The following PCDHA8 variants were observed in gnomAD, a reference collection of about 807,000 sequenced individuals.
PCDHA8 encodes protocadherin alpha-8.
Under a neutral mutation model 61.8 loss-of-function variants are expected in PCDHA8, and 53 were observed. That is an observed-to-expected ratio of 0.86 (90% CI 0.69 to 1.08). PCDHA8 has a LOEUF of 1.08. PCDHA8 is among the 50% of genes least tolerant of loss of function. PCDHA8 has a pLI of 0.00. For missense variants in PCDHA8, 1,293 were observed against 1,245.0 expected, an observed-to-expected ratio of 1.04 and a Z score of -0.58; for synonymous variants, 618 against 556.6, an observed-to-expected ratio of 1.11 and a Z score of -1.55.
At chr5:140,979,215 G>A (rs1463069868) in intron 2 of PCDHA8, among the ~76,000 whole-genome samples, 5 of 152,178 alleles carry the variant, frequency 3.3e-5, no homozygotes, top group African/African-American at 4.8e-5. Context: ...TGGCATATAA[G>A]AGTCCTCTGT....
chr5:140,907,932 A>T (rs1291390398), intron 1 of PCDHA8, among the ~76,000 whole-genome samples: 1 of 152,202 alleles, frequency 6.6e-6, no homozygotes, highest in Non-Finnish European at 1.5e-5. Context: ...GTCCATTCAC[A>T]TACCTTTTCC....
intron 1 of PCDHA8, chr5:140,875,983 G>A: frequency 6.2e-7 from 1 of 1,613,992 alleles, no homozygotes; most frequent in Non-Finnish European, 8.5e-7. Context: ...TTTGACCTAT[G>A]CGTTAAGTCT....
chr5:141,003,648 G>A lies in PCDHA8; in HGVS notation c.2543-5979G>A, dbSNP rs1314983871. On this transcript the variant is annotated intron_variant, in intron 3 of 3. Transcript: ENST00000531613. ...GTTTTTAAAGTAGAAGTGAAGATCTGTATGCATTTATTAAAATATATGTTG... is the reference window on the plus strand; with the variant it reads ...GTTTTTAAAGTAGAAGTGAAGATCTATATGCATTTATTAAAATATATGTTG... Among the ~76,000 whole-genome samples the A allele has an allele frequency of 3.3e-5, 5 of 152,226 alleles. No individual in the cohort carries two copies. In the South Asian group the frequency reaches 6.2e-4, roughly 19 times the overall value.
chr5:140,969,307 A>C (rs2096316993), intron 1 of PCDHA8: 1 of 1,614,192 alleles, frequency 6.2e-7, no homozygotes, highest in Non-Finnish European at 8.5e-7. Flanking sequence ...TTATTCTCAA[A>C]AATGAGGCTG....
rs1554263792 is a variant in PCDHA8 at position 141,012,059 on chromosome 5, C to T, written c.*2122C>T. 1 of 153,718 alleles carries T rather than the reference C, an allele frequency of 6.5e-6. No individual in the cohort carries two copies. The highest frequency in any genetic ancestry group is 1.5e-5 in the Non-Finnish European group (1 of 68,036). The allele number at this position is 153,718 out of a possible 1,614,324, so 9.5% of individuals were successfully genotyped here. A position where few individuals can be genotyped will look rare whatever the true frequency, so the allele number is the denominator to read the frequency against. ...TGCATGGGGTAAAACTTGTTACCAA[C>T]ACATGTGAACCATTGCTACATTGTA... On this transcript the variant is annotated 3_prime_UTR_variant, in exon 4 of 4. Transcript: ENST00000531613.
In PCDHA8 at chr5:140,863,490, A is replaced by C. The variant is rs149382847; in HGVS notation, c.2394+19775A>C. ...TGGAGAGTCGCCTCCCAAGGTCAAC[A>C]TTACGGCTTTTAGTCCTAGTGTTCT... is the stretch of plus-strand genomic sequence containing the variant. On this transcript the variant is annotated intron_variant, in intron 1 of 3. Coordinates refer to ENST00000531613, the MANE Select transcript of PCDHA8 (RefSeq NM_018911.3). 1.5e-4 allele frequency: 69 copies of C among 449,374 alleles called. No homozygotes were observed. In the East Asian group the frequency reaches 3.4e-3, roughly 22 times the overall value. 27.8% of individuals were successfully genotyped at this position (449,374 alleles called of 1,614,324 possible). A position where few individuals can be genotyped will look rare whatever the true frequency, so the allele number is the denominator to read the frequency against.
rs1358633051 is a variant in PCDHA8, at chr5:140,859,520, T to TA, written c.2394+15813dup. On this transcript the variant is annotated intron_variant, in intron 1 of 3. Coordinates refer to ENST00000531613, the MANE Select transcript of PCDHA8 (RefSeq NM_018911.3). ...TACCTGATACCCATGATTTCATTTT[T>TA]AAAAAAAATTTATTAATTCTAGTGT... 5.7e-5 allele frequency: 11 copies of TA among 194,288 alleles called. 2 individuals are homozygous for TA. The highest frequency in any genetic ancestry group is 1.0e-4 in the Non-Finnish European group (10 of 97,338). The allele number at this position is 194,288 out of a possible 1,614,324, so 12.0% of individuals were successfully genotyped here. A position where few individuals can be genotyped will look rare whatever the true frequency, so the allele number is the denominator to read the frequency against.
intron 1 of PCDHA8, among the ~76,000 whole-genome samples, chr5:140,939,732 G>C (rs2092446551): frequency 6.6e-6 from 1 of 152,168 alleles, no homozygotes; most frequent in African/African-American, 2.4e-5. Context: ...GTTGTGTGTA[G>C]CTGTGTATCA....
At position 140,845,294 on chromosome 5, in the gene PCDHA8, A is replaced by G. The variant is rs2150378014; in HGVS notation, c.2394+1579A>G. Among the ~76,000 whole-genome samples, 474 of 149,590 alleles carry G rather than the reference A, an allele frequency of 3.2e-3. 41 individuals are homozygous for G. The highest frequency in any genetic ancestry group is 5.1e-3 in the Non-Finnish European group (342 of 66,782). On this transcript the variant is annotated intron_variant, in intron 1 of 3. Transcript: ENST00000531613. Reference sequence around the variant, plus strand: ...GAAAGTAATATTTCCTATCCTGTCTATGTCTACCTGGTTCTCAGGTATTAC... The same window carrying G: ...GAAAGTAATATTTCCTATCCTGTCTGTGTCTACCTGGTTCTCAGGTATTAC...
chr5:140,843,415 G>A lies in PCDHA8; in HGVS notation c.2094G>A (p.Val698=), dbSNP rs2150359556. The A allele has an allele frequency of 1.3e-6, 2 of 1,596,114 alleles. No individual in the cohort carries two copies. The highest frequency in any genetic ancestry group is 2.2e-5 in the East Asian group (1 of 44,824). ...GPEAALVDVN[V]YLIIAICAVS... is the part of the protein sequence containing the mutation. ...AAGCGGCGCTGGTGGATGTCAACGT[G>A]TACCTGATCATCGCCATCTGCGCGG... The change falls in exon 1 of 4, where the codon GTG becomes GTA. Residue 698 remains valine (V), a synonymous_variant. Transcript: ENST00000531613.
chr5:140,855,215 A>G (rs1201048316), intron 1 of PCDHA8, among the ~76,000 whole-genome samples: 8 of 150,030 alleles, frequency 5.3e-5, no homozygotes, highest in East Asian at 1.9e-4. Context: ...CCATTTATGA[A>G]GCACTCATTC....
chr5:141,011,190 T>C lies in PCDHA8; in HGVS notation c.*1253T>C, dbSNP rs1321258440. On this transcript the variant is annotated 3_prime_UTR_variant, in exon 4 of 4. Coordinates refer to ENST00000531613, the MANE Select transcript of PCDHA8 (RefSeq NM_018911.3). Reference sequence around the variant, plus strand: ...AAGACCCAAAAATTGAAGAAAAATATTGTTTTCTCATACAGTGAGCAGATT... The same window carrying C: ...AAGACCCAAAAATTGAAGAAAAATACTGTTTTCTCATACAGTGAGCAGATT... The C allele has an allele frequency of 1.3e-5, 2 of 153,748 alleles. No individual in the cohort carries two copies. The highest frequency in any genetic ancestry group is 1.9e-4 in the East Asian group (1 of 5,200). The allele number at this position is 153,748 out of a possible 1,614,324, so 9.5% of individuals were successfully genotyped here. A position where few individuals can be genotyped will look rare whatever the true frequency, so the allele number is the denominator to read the frequency against.
intron 1 of PCDHA8, chr5:140,856,575 A>G (rs2150361259): frequency 6.3e-7 from 1 of 1,597,272 alleles, no homozygotes; most frequent in African/African-American, 1.3e-5. Flanking sequence ...CCAAATGAGT[A>G]TTTTGTTCTT....
At chr5:140,987,322 T>G (rs1160600975) in intron 3 of PCDHA8, among the ~76,000 whole-genome samples, 3 of 152,200 alleles carry the variant, frequency 2.0e-5, no homozygotes, top group Non-Finnish European at 4.4e-5. Flanking sequence ...CTGTGAAGTT[T>G]TAAGAACTGG....
intron 1 of PCDHA8, chr5:140,876,084 A>G: frequency 6.2e-7 from 1 of 1,613,962 alleles, no homozygotes; most frequent in Non-Finnish European, 8.5e-7. Context: ...ACAGAGAGCA[A>G]ACGCCAAAAC....
Position 140,842,759 on chromosome 5 carries a change from C to T in PCDHA8, c.1438C>T (p.Arg480Ter), listed in dbSNP as rs1270005538. 3 of 1,594,688 alleles carry T rather than the reference C, an allele frequency of 1.9e-6. No homozygotes were observed. The East Asian group carries it at 6.7e-5, about 36-fold the overall frequency. ...CTGCCACATCTTCACGGTGTCTGCG[C>T]GAGACGCGGACGCGCAGGAGAACGC... is the stretch of plus-strand genomic sequence containing the variant. ...PGCHIFTVSA[R>*]DADAQENALV... Residue 480 changes from arginine (R) to a stop codon, truncating the protein, a stop_gained, in exon 1 of 4, where the codon CGA (arginine) becomes TGA (stop). Coordinates refer to ENST00000531613, the MANE Select transcript of PCDHA8 (RefSeq NM_018911.3). LOFTEE classifies it high-confidence loss of function.
chr5:140,913,178 A>G (rs2076245523), intron 1 of PCDHA8, among the ~76,000 whole-genome samples: 1 of 152,156 alleles, frequency 6.6e-6, no homozygotes, highest in African/African-American at 2.4e-5. Context: ...TCTTCTTTAA[A>G]TGTTTGGTAG....
At chr5:140,883,544 A>T in intron 1 of PCDHA8, 1 of 1,614,168 alleles carries the variant, frequency 6.2e-7, no homozygotes, top group South Asian at 1.1e-5. Flanking sequence ...ACTGGTGGTG[A>T]CCGCGCGGGA....
At chr5:140,949,264 G>T (rs139292588) in intron 1 of PCDHA8, among the ~76,000 whole-genome samples, 2 of 151,666 alleles carry the variant, frequency 1.3e-5, no homozygotes, top group African/African-American at 2.4e-5. Flanking sequence ...AACATATCAC[G>T]TGCACTTGAA....
Sources: allele counts gnomAD v4.1 joint callset (sites outside exome capture counted in the v4.1 genomes callset), GRCh38; gene constraint gnomAD v4.1.1; transcripts MANE v1.5; gene names NCBI Gene and HGNC (gene_info 2026-07-23, HGNC 2026-07-21).